PLXNC1: variants seen among roughly 807,000 people sequenced by gnomAD.
PLXNC1 encodes the protein plexin C1, also known as plexin-C1.
PLXNC1 carries 75 observed loss-of-function variants against 178.2 expected under a neutral mutation model. That is an observed-to-expected ratio of 0.42 (90% CI 0.35 to 0.51). PLXNC1 has a LOEUF of 0.51. Among genes scored for constraint, PLXNC1 ranks in the 20% least tolerant of loss-of-function variants. The probability of loss-of-function intolerance (pLI) is 0.02; values close to 1 mark genes in which losing one functional copy is unlikely to be tolerated. For missense variants in PLXNC1, 1,503 were observed against 1,984.4 expected (o/e 0.76, Z 4.61); for synonymous variants, 790 against 779.9 (o/e 1.01, Z -0.22).
Position 94,284,087 on chromosome 12 carries a change from GAAAAAA to G in PLXNC1, c.3879+1702_3879+1707del, listed in dbSNP as rs796439911. Among the ~76,000 whole-genome samples, 89 of 82,698 alleles carry G rather than the reference GAAAAAA, an allele frequency of 1.1e-3. 1 individual carries two copies. The South Asian group carries it at 0.037, about 34-fold the overall frequency. 54.3% of individuals were successfully genotyped at this position (82,698 alleles called of 152,430 possible). On this transcript the variant is annotated intron_variant, in intron 23 of 30. Coordinates refer to ENST00000258526, the MANE Select transcript of PLXNC1 (RefSeq NM_005761.3). ...GACAGAGCAAGACTCCATGTCAGGG[GAAAAAA>G]AAAAAAAAAAAAAAAGCAGGGTTTG...
chr12:94,234,526 A>G (rs181706086), intron 9 of PLXNC1, among the ~76,000 whole-genome samples: 2 of 152,276 alleles, frequency 1.3e-5, no homozygotes, highest in Non-Finnish European at 2.9e-5. Context: ...TTGTGCAGCC[A>G]TTTAAAAATA....
chr12:94,293,405 T>A (rs1257697022), intron 23 of PLXNC1, among the ~76,000 whole-genome samples: 1 of 152,128 alleles, frequency 6.6e-6, no homozygotes, highest in Non-Finnish European at 1.5e-5. Flanking sequence ...CTTAATAGAG[T>A]AGTGTCATAG....
At chr12:94,281,605 A>G (rs1358405079) in intron 22 of PLXNC1, among the ~76,000 whole-genome samples, 1 of 84,386 alleles carries the variant, frequency 1.2e-5, no homozygotes, top group Non-Finnish European at 2.3e-5. Flanking sequence ...AAAATTTTAT[A>G]GAGACAAGTC....
At chr12:94,179,183 C>T (rs924640835) in intron 2 of PLXNC1, among the ~76,000 whole-genome samples, 1 of 152,214 alleles carries the variant, frequency 6.6e-6, no homozygotes, top group African/African-American at 2.4e-5. Flanking sequence ...TAACTGCCAT[C>T]AGGATATGTG....
At position 94,275,731 on chromosome 12, in the gene PLXNC1, T is replaced by C. The variant is rs1428421893; in HGVS notation, c.3598-3741T>C. On this transcript the variant is annotated intron_variant, in intron 21 of 30. Coordinates refer to ENST00000258526, the MANE Select transcript of PLXNC1 (RefSeq NM_005761.3). ...TTAGCCGGGCGTAGTGGCGGGCGCCTGTAGTCCCAGCTACTTGGGAGGCTG... is the reference window on the plus strand; with the variant it reads ...TTAGCCGGGCGTAGTGGCGGGCGCCCGTAGTCCCAGCTACTTGGGAGGCTG... 1.6e-5 allele frequency among the ~76,000 whole-genome samples: 2 copies of C among 127,404 alleles called. 1 individual carries two copies. The highest frequency in any genetic ancestry group is 6.2e-5 in the African/African-American group (2 of 32,176). The allele number at this position is 127,404 out of a possible 152,430, so 83.6% of individuals were successfully genotyped here. A position where few individuals can be genotyped will look rare whatever the true frequency, so the allele number is the denominator to read the frequency against.
chr12:94,152,000 A>C (rs1281597875), intron 1 of PLXNC1, among the ~76,000 whole-genome samples: 1 of 152,196 alleles, frequency 6.6e-6, no homozygotes, highest in Non-Finnish European at 1.5e-5. Context: ...TGGAAAAATA[A>C]ATAATTAAAA....
chr12:94,151,224 C>T (rs936920716), intron 1 of PLXNC1, among the ~76,000 whole-genome samples: 4 of 152,054 alleles, frequency 2.6e-5, no homozygotes, highest in Non-Finnish European at 4.4e-5. Context: ...CACGTTGGCT[C>T]CCAGGTATAT....
Position 94,220,009 on chromosome 12 carries a change from C to G in PLXNC1, c.1555-7C>G. On this transcript the variant is annotated splice_polypyrimidine_tract_variant and splice_region_variant and intron_variant, in intron 5 of 30. Transcript: ENST00000258526. ...CATCATTTTTTCCCCATATCTTCCC[C>G]GCACAGACTACAGTGACTATGGTGG... 1.2e-6 allele frequency: 2 copies of G among 1,613,134 alleles called. No homozygotes were observed. Among genetic ancestry groups the G allele is most frequent in the Admixed American group, 3.3e-5 (2 of 59,934 alleles).
intron 1 of PLXNC1, among the ~76,000 whole-genome samples, chr12:94,162,801 T>A (rs1395480408): frequency 1.3e-5 from 2 of 152,136 alleles, no homozygotes; most frequent in Non-Finnish European, 2.9e-5. Flanking sequence ...AAAGTCTAGA[T>A]AACCATTTGT....
At chr12:94,222,399 C>T (rs1963821584) in intron 6 of PLXNC1, among the ~76,000 whole-genome samples, 1 of 152,144 alleles carries the variant, frequency 6.6e-6, no homozygotes, top group African/African-American at 2.4e-5. Flanking sequence ...ATGGCTTCCC[C>T]CTTTCACAAA....
At chr12:94,284,087 G>GGAA (rs1555208966) in intron 23 of PLXNC1, among the ~76,000 whole-genome samples, 137 of 82,698 alleles carry the variant, frequency 1.7e-3, no homozygotes, top group Non-Finnish European at 2.8e-3. Context: ...CATGTCAGGG[G>GGAA]AAAAAAAAAA....
Position 94,305,256 on chromosome 12 carries a change from G to T in PLXNC1, c.4678G>T (p.Asp1560Tyr), listed in dbSNP as rs1376666668. Residue 1560 changes from aspartate to tyrosine, a missense_variant, in exon 31 of 31, where the codon GAT (aspartate) becomes TAT (tyrosine). Asp to Tyr is a radical substitution (Grantham distance 160). This residue lies in a region of PLXNC1 where 639 missense variants were observed against 979.7 expected (regional missense o/e 0.65). Transcript: ENST00000258526. The part of the protein sequence containing the change: ...KQLLHVKVLF[D>Y]EKKKCKWM ...ACTCTTGCATGTAAAAGTCTTATTT[G>T]ATGAAAAGAAGAAATGCAAGTGGAT... 6.2e-7 allele frequency: 1 copy of T among 1,610,404 alleles called. No homozygotes were observed. Among genetic ancestry groups the T allele is most frequent in the African/African-American group, 1.3e-5 (1 of 74,928 alleles).
In PLXNC1 at chr12:94,226,575, A is replaced by C. The variant is rs183808850; in HGVS notation, c.1791-30A>C. 3 of 1,476,600 alleles carry C rather than the reference A, an allele frequency of 2.0e-6. No homozygotes were observed. The Admixed American group carries it at 5.0e-5, about 25-fold the overall frequency. 91.5% of individuals were successfully genotyped at this position (1,476,600 alleles called of 1,614,324 possible). ...GGATGTGAACATTGTCCTAAAACGC[A>C]GGAATTAAGTCAGTTTTCTGTGTTG... On this transcript the variant is annotated intron_variant, in intron 7 of 30. Coordinates refer to ENST00000258526, the MANE Select transcript of PLXNC1 (RefSeq NM_005761.3).
intron 23 of PLXNC1, among the ~76,000 whole-genome samples, chr12:94,290,305 A>G (rs981144271): frequency 2.0e-5 from 3 of 152,206 alleles, no homozygotes; most frequent in African/African-American, 7.2e-5. Flanking sequence ...GAGTATTGCT[A>G]AGGGGGTGCC....
intron 2 of PLXNC1, among the ~76,000 whole-genome samples, chr12:94,180,722 T>C (rs1962274290): frequency 6.6e-6 from 1 of 152,232 alleles, no homozygotes; most frequent in Admixed American, 6.5e-5. Flanking sequence ...GGGTCACTTC[T>C]AACTGTATGA....
At chr12:94,173,202 T>C (rs1004476598) in intron 2 of PLXNC1, among the ~76,000 whole-genome samples, 5 of 152,226 alleles carry the variant, frequency 3.3e-5, no homozygotes, top group African/African-American at 1.2e-4. Context: ...TGTTGCACAA[T>C]GTATGCATTT....
intron 20 of PLXNC1, among the ~76,000 whole-genome samples, chr12:94,263,227 TA>T (rs923891253): frequency 1.3e-4 from 17 of 130,980 alleles, no homozygotes; most frequent in African/African-American, 4.8e-4. Context: ...CCCGGGAAGG[TA>T]ATGAAAACTA....
intron 28 of PLXNC1, among the ~76,000 whole-genome samples, chr12:94,301,603 G>A (rs1032555665): frequency 2.0e-5 from 3 of 152,282 alleles, no homozygotes; most frequent in African/African-American, 4.8e-5. Flanking sequence ...CGAAAGAGAT[G>A]TTTTGGTCTT....
intron 23 of PLXNC1, among the ~76,000 whole-genome samples, chr12:94,292,665 TTA>T (rs911546126): frequency 2.0e-5 from 3 of 152,192 alleles, no homozygotes; most frequent in Non-Finnish European, 2.9e-5. Flanking sequence ...CAGAATTTAT[TTA>T]TGTTTCATAT....
Sources: gnomAD v4.1 joint callset for allele counts (sites outside exome capture counted in the v4.1 genomes callset) on GRCh38, gnomAD v4.1.1 for gene constraint, gnomAD v4.1.1 regional missense constraint, MANE v1.5 for transcripts, NCBI Gene and HGNC (gene_info 2026-07-23, HGNC 2026-07-21) for gene names.